Variants in PFKFB3 observed in about 807,000 individuals in gnomAD.
PFKFB3 encodes the protein 6-phosphofructo-2-kinase/fructose-2,6-bisphosphatase 3.
A neutral mutation model predicts 68.0 loss-of-function variants in PFKFB3; 33 were observed. The observed-to-expected ratio is 0.49, with a 90% CI of 0.37 to 0.65. The LOEUF is 0.65. PFKFB3 is among the 30% of genes least tolerant of loss of function. The pLI is 0.00. For synonymous variants in PFKFB3, 315 were observed against 288.2 expected (o/e 1.09, Z -0.94); for missense variants, 586 against 712.2 (o/e 0.82, Z 2.02).
At chr10:6,303,543 G>A in the PFKFB3 span, among the ~76,000 whole-genome samples, 1 of 152,080 alleles carries the variant, frequency 6.6e-6, no homozygotes, top group Non-Finnish European at 1.5e-5. Context: ...TGCCGGGCAC[G>A]GTGGCTCACG....
chr10:6,239,744 A>T (rs1846098513), downstream of PFKFB3, among the ~76,000 whole-genome samples: 2 of 151,814 alleles, frequency 1.3e-5, no homozygotes, highest in African/African-American at 4.8e-5. Flanking sequence ...CATGATGTCG[A>T]TTCACTGCAG....
At chr10:6,252,378 T>C (rs1272471473) in intron 14 of PFKFB3, among the ~76,000 whole-genome samples, 1 of 152,240 alleles carries the variant, frequency 6.6e-6, no homozygotes, top group Admixed American at 6.5e-5. Flanking sequence ...GGATTAGTAA[T>C]TGGATAATTA....
At position 6,187,198 on chromosome 10, in the gene PFKFB3, T is replaced by TAAAA. The variant is rs770875957; in HGVS notation, c.17-26415_17-26412dup. ...CAACATGGTGAATCCCTGTTTCTAC[T>TAAAA]AAAAAAAAAAAAATTAGCTGGACAT... is the stretch of plus-strand genomic sequence containing the variant. On this transcript the variant is annotated intron_variant, in intron 1 of 14. Transcript: ENST00000379789. Among the ~76,000 whole-genome samples, 169 of 142,040 alleles carry TAAAA rather than the reference T, an allele frequency of 1.2e-3. 8 individuals are homozygous for TAAAA. The highest frequency in any genetic ancestry group is 1.2e-3 in the Non-Finnish European group (78 of 65,040). 93.2% of individuals were successfully genotyped at this position (142,040 alleles called of 152,430 possible). A position where few individuals can be genotyped will look rare whatever the true frequency, so the allele number is the denominator to read the frequency against.
chr10:6,252,919 T>TTTTTTG (rs1275979865), intron 14 of PFKFB3, among the ~76,000 whole-genome samples: 1 of 152,092 alleles, frequency 6.6e-6, no homozygotes, highest in East Asian at 1.9e-4. Context: ...ATTTAGATCT[T>TTTTTTG]TTTTTGTTTT....
At chr10:6,180,308 G>A (rs1258429795) in intron 1 of PFKFB3, among the ~76,000 whole-genome samples, 2 of 152,146 alleles carry the variant, frequency 1.3e-5, no homozygotes, top group African/African-American at 2.4e-5. Context: ...GATTGAGGGG[G>A]ACCATGTAAT....
At chr10:6,264,200 T>C in the PFKFB3 span, among the ~76,000 whole-genome samples, 36 of 152,328 alleles carry the variant, frequency 2.4e-4, no homozygotes, top group African/African-American at 8.2e-4. Flanking sequence ...GATGTTCCAT[T>C]ACGTATTCGT....
chr10:6,268,577 A>G, the PFKFB3 span, among the ~76,000 whole-genome samples: 6 of 152,094 alleles, frequency 3.9e-5, no homozygotes, highest in African/African-American at 1.4e-4. Flanking sequence ...GTGAGCCAAG[A>G]TTGTGCCACT....
chr10:6,234,473 A>G lies in PFKFB3; in HGVS notation c.*1531A>G, dbSNP rs1481730383. ...ACTGAGGCTGTGCTTCAGGTATGGT[A>G]CAATCAAGTGGGGGATTTTCATGCT... On this transcript the variant is annotated 3_prime_UTR_variant, in exon 15 of 15. Transcript: ENST00000379775. 1 of 152,244 alleles carries G rather than the reference A, an allele frequency of 6.6e-6. No individual in the cohort carries two copies. The highest frequency in any genetic ancestry group is 1.5e-5 in the Non-Finnish European group (1 of 68,044). 9.4% of individuals were successfully genotyped at this position (152,244 alleles called of 1,614,324 possible).
At position 6,215,153 on chromosome 10, in the gene PFKFB3, T is replaced by C. The variant is rs1290617587; in HGVS notation, c.203-68T>C. 7.4e-7 allele frequency: 1 copy of C among 1,352,628 alleles called. No homozygotes were observed. The highest frequency in any genetic ancestry group is 1.1e-6 in the Non-Finnish European group (1 of 945,960). 83.8% of individuals were successfully genotyped at this position (1,352,628 alleles called of 1,614,324 possible). The stretch of plus-strand genomic sequence containing the variant: ...GTGGCTCTTCCTTTGGTCGATCCTA[T>C]GGTCCCGGTGTGAGCTGGCCCCTTC... On this transcript the variant is annotated intron_variant, in intron 2 of 14. Coordinates refer to ENST00000379775, the MANE Select transcript of PFKFB3 (RefSeq NM_004566.4). The surrounding 1 kb of genome is among the most constrained non-coding windows in gnomAD (Gnocchi z 4.3).
the PFKFB3 span, chr10:6,293,901 A>T: frequency 4.3e-6 from 2 of 464,986 alleles, no homozygotes; most frequent in South Asian, 3.4e-5. Flanking sequence ...ATATACCATT[A>T]TCTATTGATT....
At chr10:6,200,597 A>G (rs751867721), upstream of PFKFB3, among the ~76,000 whole-genome samples, 3 of 148,856 alleles carry the variant, frequency 2.0e-5, no homozygotes, top group Non-Finnish European at 4.5e-5. Context: ...TAAAAAAACA[A>G]AAACAGGTGT....
At chr10:6,206,588 C>T (rs1843731285) in intron 1 of PFKFB3, among the ~76,000 whole-genome samples, 1 of 137,870 alleles carries the variant, frequency 7.3e-6, no homozygotes, top group Admixed American at 6.8e-5. Flanking sequence ...GGGCTGACCC[C>T]CCCACCTCCC....
At chr10:6,319,652 T>C in the PFKFB3 span, among the ~76,000 whole-genome samples, 1 of 148,874 alleles carries the variant, frequency 6.7e-6, no homozygotes, top group Admixed American at 6.8e-5. Flanking sequence ...ATTGTAAAAA[T>C]TATTTAAAAA....
chr10:6,189,040 T>C lies in PFKFB3; in HGVS notation c.17-24583T>C, dbSNP rs374809777. Reference sequence around the variant, plus strand: ...TTTTTTAGTGGAAACGGGGTTTCACTGTGTTAGCCAGGATGGTCTCGATCT... The same window carrying C: ...TTTTTTAGTGGAAACGGGGTTTCACCGTGTTAGCCAGGATGGTCTCGATCT... On this transcript the variant is annotated intron_variant, in intron 1 of 14. Transcript: ENST00000379789. Among the ~76,000 whole-genome samples the C allele has an allele frequency of 1.1e-3, 163 of 152,212 alleles. 3 individuals are homozygous for C. The highest frequency in any genetic ancestry group is 0.01 in the Middle Eastern group (3 of 294).
At chr10:6,218,753 G>C (rs1844758227) in intron 6 of PFKFB3, among the ~76,000 whole-genome samples, 1 of 152,100 alleles carries the variant, frequency 6.6e-6, no homozygotes, top group Admixed American at 6.6e-5. Flanking sequence ...TTTTTTAAGT[G>C]TGCAGTACAG....
chr10:6,194,975 C>CTAT (rs1333934319), intron 1 of PFKFB3, among the ~76,000 whole-genome samples: 2 of 152,030 alleles, frequency 1.3e-5, no homozygotes, highest in East Asian at 3.9e-4. Context: ...CAGGTTCGAG[C>CTAT]TATTCTCCTG....
rs959044774 is a variant in PFKFB3, at chr10:6,164,674, C to T, written c.16+19661C>T. 9.9e-5 allele frequency among the ~76,000 whole-genome samples: 15 copies of T among 152,020 alleles called. No homozygotes were observed. The East Asian group carries it at 1.9e-3, about 20-fold the overall frequency. On this transcript the variant is annotated intron_variant, in intron 1 of 14. Transcript: ENST00000379789. The stretch of plus-strand genomic sequence containing the variant: ...TTGATCATTATTTTTACTATCTTGG[C>T]GAGGGGAGTGTAGCAGGGCAACAGG...
the PFKFB3 span, among the ~76,000 whole-genome samples, chr10:6,260,575 A>G: frequency 6.6e-6 from 1 of 152,100 alleles, no homozygotes; most frequent in Non-Finnish European, 1.5e-5. Flanking sequence ...TTTACCATCT[A>G]AGCATGTATC....
In PFKFB3 at chr10:6,220,969, CTTGGTG is replaced by C; in HGVS notation, c.831+106_831+111del. 4.6e-5 allele frequency: 52 copies of C among 1,126,060 alleles called. No individual in the cohort carries two copies. Among genetic ancestry groups the C allele is most frequent in the East Asian group, 7.2e-5 (3 of 41,446 alleles). 69.8% of individuals were successfully genotyped at this position (1,126,060 alleles called of 1,614,324 possible). ...GCTGCTGCTGCTGCTGCTGCTGCTGCTTGGTGTGCTTGCTGTGTGTGTTATCTGTGT... is the reference window on the plus strand; with the variant it reads ...GCTGCTGCTGCTGCTGCTGCTGCTGCTGCTTGCTGTGTGTGTTATCTGTGT... On this transcript the variant is annotated intron_variant, in intron 8 of 14. Coordinates refer to ENST00000379775, the MANE Select transcript of PFKFB3 (RefSeq NM_004566.4). The surrounding 1 kb of genome is among the most constrained non-coding windows in gnomAD (Gnocchi z 4.1).
Sources: allele counts gnomAD v4.1 joint callset (sites outside exome capture counted in the v4.1 genomes callset), GRCh38; gene constraint gnomAD v4.1.1; non-coding constraint Gnocchi (gnomAD v3.1); transcripts MANE v1.5; gene names NCBI Gene and HGNC (gene_info 2026-07-23, HGNC 2026-07-21).